WDR47: variants seen among roughly 807,000 people sequenced by gnomAD.
The protein encoded by WDR47 is WD repeat-containing protein 47.
Under a neutral mutation model 97.2 loss-of-function variants are expected in WDR47, and 32 were observed. The observed-to-expected ratio is 0.33, with a 90% CI of 0.25 to 0.44. The LOEUF (loss-of-function observed/expected upper bound fraction) is 0.44, where lower values mean the gene tolerates loss of function less well. Among genes scored for constraint, WDR47 ranks in the 20% least tolerant of loss-of-function variants. The probability of loss-of-function intolerance (pLI) is 1.00; values close to 1 mark genes in which losing one functional copy is unlikely to be tolerated. For synonymous variants in WDR47, 375 were observed against 373.5 expected (o/e 1.00, Z -0.05); for missense variants, 782 against 1,102.3 (o/e 0.71, Z 4.11).
chr1:109,006,246 T>C (rs368275955), intron 5 of WDR47, among the ~76,000 whole-genome samples: 2 of 152,010 alleles, frequency 1.3e-5, no homozygotes, highest in East Asian at 3.9e-4. Context: ...AATACAAAAT[T>C]AGCCGGCATG....
At chr1:109,014,139 A>C (rs1282750545) in intron 3 of WDR47, among the ~76,000 whole-genome samples, 1 of 152,228 alleles carries the variant, frequency 6.6e-6, no homozygotes, top group Non-Finnish European at 1.5e-5. Flanking sequence ...TGTAAACAAC[A>C]ATCCAATTTT....
intron 7 of WDR47, among the ~76,000 whole-genome samples, chr1:108,996,158 A>C (rs1483243922): frequency 6.6e-6 from 1 of 152,192 alleles, no homozygotes; most frequent in East Asian, 1.9e-4. Context: ...CCCTGGGCTC[A>C]AGCAATCCTT....
intron 1 of WDR47, among the ~76,000 whole-genome samples, chr1:109,028,100 T>C (rs1208216309): frequency 6.6e-6 from 1 of 152,222 alleles, no homozygotes; most frequent in Non-Finnish European, 1.5e-5. Flanking sequence ...ATGTGTTCAA[T>C]AAATAAATAT....
At chr1:109,040,545 A>G (rs538354855) in intron 1 of WDR47, among the ~76,000 whole-genome samples, 76 of 152,252 alleles carry the variant, frequency 5.0e-4, no homozygotes, top group African/African-American at 1.8e-3. Flanking sequence ...CATCTTCATA[A>G]TGGCATCCAA....
intron 8 of WDR47, chr1:108,992,185 A>T: frequency 1.4e-6 from 1 of 698,968 alleles, no homozygotes; most frequent in Non-Finnish European, 2.6e-6. Context: ...TTTTTTAAAA[A>T]GGAAAAGAAA....
Position 109,032,079 on chromosome 1 carries a change from C to A in WDR47, c.-9-8558G>T, listed in dbSNP as rs1355492850. ...CCTCCTAAAGTGCTGAGAACGCAGG[C>A]ATAAGCAACTGCACCTGGCCTCAAT... is the stretch of plus-strand genomic sequence containing the variant. On this transcript the variant is annotated intron_variant, in intron 1 of 14. Coordinates refer to ENST00000369962, the MANE Select transcript of WDR47 (RefSeq NM_001142551.2). Among the ~76,000 whole-genome samples, 5 of 138,804 alleles carry A rather than the reference C, an allele frequency of 3.6e-5. 1 individual carries two copies. Among genetic ancestry groups the A allele is most frequent in the African/African-American group, 1.3e-4 (5 of 38,618 alleles). The allele number at this position is 138,804 out of a possible 152,430, so 91.1% of individuals were successfully genotyped here. A position where few individuals can be genotyped will look rare whatever the true frequency, so the allele number is the denominator to read the frequency against.
intron 1 of WDR47, among the ~76,000 whole-genome samples, chr1:109,035,121 C>T (rs1209726514): frequency 6.6e-6 from 1 of 151,218 alleles, no homozygotes; most frequent in East Asian, 2.0e-4. Flanking sequence ...TGGTGCAGGC[C>T]TGAGGTCCCA....
At chr1:109,035,266 A>AC (rs1482143859) in intron 1 of WDR47, among the ~76,000 whole-genome samples, 16 of 149,604 alleles carry the variant, frequency 1.1e-4, no homozygotes, top group African/African-American at 3.9e-4. Context: ...AAAAAAAAAA[A>AC]CCCCACACAC....
In WDR47 at chr1:108,974,625, C is replaced by G; in HGVS notation, c.2528G>C (p.Ser843Thr). 6.2e-7 allele frequency: 1 copy of G among 1,614,148 alleles called. No homozygotes were observed. The highest frequency in any genetic ancestry group is 2.2e-5 in the East Asian group (1 of 44,864). ...GGAGAATCGAACAGAGCGAACATCACTGGAATGAGGATGATAACTTTGTAC... is the reference window on the plus strand; with the variant it reads ...GGAGAATCGAACAGAGCGAACATCAGTGGAATGAGGATGATAACTTTGTAC... Reference protein sequence around the residue: ...RMVQSYHPHSSDVRSVRFSPG... With the variant: ...RMVQSYHPHSTDVRSVRFSPG... The change falls in exon 14 of 15, where the codon AGT becomes ACT. Residue 843 changes from serine (S) to threonine (T), a missense_variant. Around this residue, in one of 3 missense-constraint regions of WDR47, gnomAD observed 228 missense variants for 396.7 expected, o/e 0.57. Coordinates refer to ENST00000369962, the MANE Select transcript of WDR47 (RefSeq NM_001142551.2).
chr1:108,972,075 T>G (rs553028026), intron 14 of WDR47, among the ~76,000 whole-genome samples: 3 of 152,184 alleles, frequency 2.0e-5, no homozygotes, highest in Non-Finnish European at 4.4e-5. Flanking sequence ...ACTTGTCTGA[T>G]AGTCATCCTA....
At chr1:108,990,439 C>T (rs1162907445) in intron 9 of WDR47, among the ~76,000 whole-genome samples, 1 of 151,850 alleles carries the variant, frequency 6.6e-6, no homozygotes, top group South Asian at 2.1e-4. Context: ...GAGCTCCCGA[C>T]CTCAGATGAT....
At chr1:108,988,213 A>AG (rs1458892358) in intron 9 of WDR47, among the ~76,000 whole-genome samples, 2 of 81,020 alleles carry the variant, frequency 2.5e-5, no homozygotes, top group Non-Finnish European at 4.7e-5. Context: ...CCTGTCAGGG[A>AG]GGGGGAGATA....
At position 109,004,724 on chromosome 1, in the gene WDR47, A is replaced by C; in HGVS notation, c.1131-9T>G. The C allele has an allele frequency of 1.9e-6, 3 of 1,577,680 alleles. No homozygotes were observed. Among genetic ancestry groups the C allele is most frequent in the Non-Finnish European group, 1.7e-6 (2 of 1,165,316 alleles). Reference sequence around the variant, plus strand: ...CATCAACAGGTGTATCACTTCTTCCAGAAACGTGCAAAAAAACAAAAAGGC... The same window carrying C: ...CATCAACAGGTGTATCACTTCTTCCCGAAACGTGCAAAAAAACAAAAAGGC... On this transcript the variant is annotated splice_polypyrimidine_tract_variant and intron_variant, in intron 5 of 14. Transcript: ENST00000369962.
intron 1 of WDR47, chr1:109,029,970 GA>G (rs1557963465): frequency 5.2e-6 from 2 of 383,120 alleles, no homozygotes; most frequent in South Asian, 1.2e-4. Context: ...AAAACTTCAT[GA>G]AAAAATATCA....
At chr1:109,020,235 G>GTT (rs1271064037) in intron 2 of WDR47, among the ~76,000 whole-genome samples, 1 of 146,140 alleles carries the variant, frequency 6.8e-6, no homozygotes, top group African/African-American at 2.5e-5. Flanking sequence ...ATATTTAGTT[G>GTT]TTTTTTTTTT....
intron 4 of WDR47, among the ~76,000 whole-genome samples, chr1:109,011,940 T>C (rs35982770): frequency 0.07 from 10,583 of 152,168 alleles, 480 homozygotes; most frequent in Middle Eastern, 0.13. Context: ...ATAAAAACAC[T>C]GTTCTATTAT....
intron 10 of WDR47, among the ~76,000 whole-genome samples, chr1:108,985,607 C>T (rs973386553): frequency 6.6e-5 from 10 of 152,120 alleles, no homozygotes; most frequent in African/African-American, 2.2e-4. Flanking sequence ...ACTATAGTAC[C>T]TAGCACATAG....
At chr1:109,036,259 T>C (rs1290143221) in intron 1 of WDR47, among the ~76,000 whole-genome samples, 1 of 152,000 alleles carries the variant, frequency 6.6e-6, no homozygotes, top group African/African-American at 2.4e-5. Flanking sequence ...CCTCTAAATA[T>C]CTGTTAATCC....
chr1:108,980,146 C>A (rs1658232820), intron 13 of WDR47, among the ~76,000 whole-genome samples: 1 of 151,530 alleles, frequency 6.6e-6, no homozygotes. Context: ...GAAAAACTGT[C>A]TTCCACGAAA....
Sources: gnomAD v4.1 joint callset for allele counts (sites outside exome capture counted in the v4.1 genomes callset) on GRCh38, gnomAD v4.1.1 for gene constraint, gnomAD v4.1.1 regional missense constraint, MANE v1.5 for transcripts, NCBI Gene and HGNC (gene_info 2026-07-23, HGNC 2026-07-21) for gene names.